Variants in PDE4D observed in about 807,000 individuals in gnomAD.
PDE4D encodes the protein 3',5'-cyclic-AMP phosphodiesterase 4D.
Under a neutral mutation model 87.4 loss-of-function variants are expected in PDE4D, and 24 were observed. That is an observed-to-expected ratio of 0.27 (90% CI 0.20 to 0.39). The LOEUF (loss-of-function observed/expected upper bound fraction) is 0.39, where lower values mean the gene tolerates loss of function less well. PDE4D is among the 10% of genes least tolerant of loss of function. PDE4D has a pLI of 1.00. For synonymous variants in PDE4D, 384 were observed against 383.2 expected (o/e 1.00, Z -0.02); for missense variants, 714 against 1,041.0 (o/e 0.69, Z 4.32).
Position 60,171,223 on chromosome 5 carries a change from C to A in PDE4D, c.42+14334G>T, listed in dbSNP as rs188804932. Among the ~76,000 whole-genome samples, 540 of 152,030 alleles carry A rather than the reference C, an allele frequency of 3.6e-3. 5 individuals carry two copies. Among genetic ancestry groups the A allele is most frequent in the African/African-American group, 0.012 (515 of 41,512 alleles). On this transcript the variant is annotated intron_variant, in intron 2 of 16. Coordinates refer to the PDE4D transcript ENST00000502484. ...TCCTTTGTAAATGCAAGGCAATAAA[C>A]CATATGAGAGAATTTCAATTGTTTT...
intron 1 of PDE4D, among the ~76,000 whole-genome samples, chr5:59,757,566 A>G (rs981743728): frequency 1.3e-5 from 2 of 152,120 alleles, no homozygotes; most frequent in Non-Finnish European, 1.5e-5. Context: ...GTCCTCCTCT[A>G]TCTGGCCACC....
At chr5:60,291,429 T>A (rs1048982993) in intron 1 of PDE4D, among the ~76,000 whole-genome samples, 10 of 151,988 alleles carry the variant, frequency 6.6e-5, no homozygotes, top group Non-Finnish European at 2.9e-5. Flanking sequence ...AAAAAAGAAC[T>A]CCATTGAAGA....
chr5:59,145,097 G>A (rs887889649), intron 5 of PDE4D, among the ~76,000 whole-genome samples: 1 of 152,112 alleles, frequency 6.6e-6, no homozygotes, highest in Non-Finnish European at 1.5e-5. Flanking sequence ...AACTGGAAAG[G>A]TGTATTTGTT....
At chr5:60,255,743 G>A (rs996273977) in intron 1 of PDE4D, among the ~76,000 whole-genome samples, 3 of 151,742 alleles carry the variant, frequency 2.0e-5, no homozygotes, top group Non-Finnish European at 2.9e-5. Flanking sequence ...TCCAAGGTGG[G>A]AAGATCACTT....
intron 1 of PDE4D, among the ~76,000 whole-genome samples, chr5:59,327,266 T>C (rs1467199890): frequency 6.6e-6 from 1 of 151,842 alleles, no homozygotes; most frequent in Admixed American, 6.6e-5. Flanking sequence ...AACTGAATGG[T>C]CTCTGGATCT....
intron 1 of PDE4D, among the ~76,000 whole-genome samples, chr5:59,497,367 A>G (rs1195304300): frequency 6.6e-6 from 1 of 152,162 alleles, no homozygotes; most frequent in Non-Finnish European, 1.5e-5. Context: ...AATGACAGAT[A>G]TAGAATTCAG....
intron 5 of PDE4D, chr5:59,157,120 T>C: frequency 2.4e-6 from 1 of 424,582 alleles, no homozygotes; most frequent in Non-Finnish European, 4.2e-6. Context: ...TGAAAATTAA[T>C]GACATTAATA....
intron 1 of PDE4D, among the ~76,000 whole-genome samples, chr5:59,260,937 C>A (rs1488097294): frequency 2.5e-4 from 34 of 138,442 alleles, no homozygotes; most frequent in African/African-American, 2.4e-4. Flanking sequence ...CAATATACAC[C>A]AAAAAAAAAA....
At chr5:59,358,469 T>C (rs1023921967) in intron 1 of PDE4D, among the ~76,000 whole-genome samples, 1 of 152,166 alleles carries the variant, frequency 6.6e-6, no homozygotes, top group African/African-American at 2.4e-5. Flanking sequence ...ACTGAAAAGG[T>C]GCTTACACTG....
Position 59,215,844 on chromosome 5 carries a change from G to A in PDE4D, c.580C>T (p.Arg194Ter), listed in dbSNP as rs1488614653. The A allele has an allele frequency of 6.2e-7, 1 of 1,613,526 alleles. No individual in the cohort carries two copies. Among genetic ancestry groups the A allele is most frequent in the African/African-American group, 1.3e-5 (1 of 74,866 alleles). The change falls in exon 2 of 15, where the codon CGA becomes TGA. Residue 194 changes from arginine to a stop codon, truncating the protein, a stop_gained. Transcript: ENST00000340635. LOFTEE classifies it high-confidence loss of function. ...HSQRRESFLY[R>*]SDSDYDLSPK... ...GAGAGGTCATAATCGCTGTCGGATC[G>A]ATACAGGAAGGACTCCCGTCGTTGA...
At chr5:58,994,438 G>C (rs975990761) in intron 6 of PDE4D, among the ~76,000 whole-genome samples, 2 of 151,590 alleles carry the variant, frequency 1.3e-5, no homozygotes, top group Non-Finnish European at 2.9e-5. Context: ...TTTAATATTT[G>C]CCTTAATATA....
chr5:60,384,746 ACTT>A (rs1762089764), intron 1 of PDE4D, among the ~76,000 whole-genome samples: 1 of 152,128 alleles, frequency 6.6e-6, no homozygotes. Flanking sequence ...AGCCACACCC[ACTT>A]CTTCTACTAC....
chr5:59,978,506 GA>G, intron 3 of PDE4D, among the ~76,000 whole-genome samples: 1 of 152,154 alleles, frequency 6.6e-6, no homozygotes, highest in East Asian at 1.9e-4. Context: ...AAAGAATGAG[GA>G]GTTGTTTCTT....
intron 1 of PDE4D, among the ~76,000 whole-genome samples, chr5:59,346,428 C>T (rs925797968): frequency 1.3e-5 from 2 of 151,952 alleles, no homozygotes; most frequent in Non-Finnish European, 2.9e-5. Flanking sequence ...GGCAAGACTG[C>T]GAGACTTTTT....
intron 1 of PDE4D, among the ~76,000 whole-genome samples, chr5:60,324,094 T>C (rs1239410780): frequency 1.3e-5 from 2 of 152,168 alleles, no homozygotes; most frequent in Non-Finnish European, 2.9e-5. Context: ...CAGGACCTCA[T>C]CTGTTTCCTT....
rs145110478 is a variant in PDE4D, at chr5:60,399,564, A to G, written c.-90+88378T>C. ...CAGTCATGGCACAGATCATGGTCAT[A>G]GACAATGATATACATCCATCCTGGG... On this transcript the variant is annotated intron_variant, in intron 1 of 16. Transcript: ENST00000502484. Among the ~76,000 whole-genome samples the G allele has an allele frequency of 5.8e-4, 89 of 152,356 alleles. 1 individual carries two copies. The highest frequency in any genetic ancestry group is 2.0e-3 in the African/African-American group (83 of 41,586).
At chr5:59,897,386 G>C (rs1017511228), upstream of PDE4D, among the ~76,000 whole-genome samples, 3 of 152,168 alleles carry the variant, frequency 2.0e-5, no homozygotes, top group East Asian at 5.8e-4. Flanking sequence ...AGAACACAGA[G>C]TGAGATGGCA....
At chr5:60,478,077 C>T (rs1748461023) in intron 1 of PDE4D, among the ~76,000 whole-genome samples, 1 of 152,078 alleles carries the variant, frequency 6.6e-6, no homozygotes, top group South Asian at 2.1e-4. Context: ...TAATTCCCTC[C>T]AAATAACAAA....
intron 1 of PDE4D, among the ~76,000 whole-genome samples, chr5:59,402,449 G>C (rs1409809757): frequency 6.6e-6 from 1 of 152,056 alleles, no homozygotes; most frequent in Non-Finnish European, 1.5e-5. Flanking sequence ...CTCCTCTCCC[G>C]AACGGTCAGG....
Sources: gnomAD v4.1 joint callset for allele counts (sites outside exome capture counted in the v4.1 genomes callset) on GRCh38, gnomAD v4.1.1 for gene constraint, MANE v1.5 for transcripts, NCBI Gene and HGNC (gene_info 2026-07-23, HGNC 2026-07-21) for gene names.